The following QSER1 variants were observed in gnomAD, a reference collection of about 807,000 sequenced individuals.
QSER1 encodes the protein glutamine and serine rich 1.
QSER1 carries 49 observed loss-of-function variants against 158.5 expected under a neutral mutation model. That is an observed-to-expected ratio of 0.31 (90% CI 0.25 to 0.39). The LOEUF (loss-of-function observed/expected upper bound fraction) is 0.39. Among genes scored for constraint, QSER1 ranks in the 10% least tolerant of loss-of-function variants. The pLI, the probability that QSER1 is intolerant of heterozygous loss-of-function variation, is 1.00. For missense variants in QSER1, 1,754 were observed against 2,010.3 expected (o/e 0.87, Z 2.44); for synonymous variants, 650 against 715.5 (o/e 0.91, Z 1.46).
intron 1 of QSER1, among the ~76,000 whole-genome samples, chr11:32,902,813 T>G (rs756568116): frequency 3.9e-4 from 59 of 152,354 alleles, no homozygotes; most frequent in Non-Finnish European, 7.8e-4. Flanking sequence ...TTATCTCATT[T>G]AACTTCTCAT....
intron 4 of QSER1, among the ~76,000 whole-genome samples, chr11:32,941,226 TA>T: frequency 6.7e-6 from 1 of 150,002 alleles, no homozygotes; most frequent in Non-Finnish European, 1.5e-5. Flanking sequence ...TTATTATTAT[TA>T]TTATTATTAT....
intron 10 of QSER1, 64 bp from the exon 11 acceptor site, chr11:32,973,333 T>G (rs1326339364): frequency 1.3e-6 from 2 of 1,535,614 alleles, no homozygotes; most frequent in Non-Finnish European, 1.8e-6. Flanking sequence ...AAATTTTAGA[T>G]AGCTAGAAGT....
intron 4 of QSER1, among the ~76,000 whole-genome samples, chr11:32,936,292 T>C (rs146641669): frequency 0.019 from 2,831 of 151,834 alleles, 45 homozygotes; most frequent in South Asian, 0.038. Context: ...TGGTGTTTGG[T>C]TTTTTGTCCT....
At chr11:32,899,900 A>G (rs1851603598) in intron 1 of QSER1, among the ~76,000 whole-genome samples, 1 of 152,146 alleles carries the variant, frequency 6.6e-6, no homozygotes, top group South Asian at 2.1e-4. Context: ...TGAATATTGA[A>G]TAGGTATTTC....
chr11:32,944,445 T>C (rs1436202585), intron 4 of QSER1, among the ~76,000 whole-genome samples: 4 of 151,578 alleles, frequency 2.6e-5, no homozygotes, highest in African/African-American at 9.7e-5. Flanking sequence ...GTCTTTGTTC[T>C]CGTTGGTTTC....
At chr11:32,921,605 C>T (rs1018623593) in intron 1 of QSER1, among the ~76,000 whole-genome samples, 9 of 152,116 alleles carry the variant, frequency 5.9e-5, no homozygotes, top group Non-Finnish European at 1.0e-4. Context: ...ATACACTAAA[C>T]ACTACAAAAG....
rs1852996040 is a variant in QSER1 at position 32,977,378 on chromosome 11, A to T, written c.*904A>T. On this transcript the variant is annotated 3_prime_UTR_variant, in exon 13 of 13. Transcript: ENST00000650167. ...ACAGATTTGCTTCAGTGTTATCCAG[A>T]ATATGCATTCAGTACTAGAATTAGT... The T allele has an allele frequency of 6.6e-6, 1 of 152,632 alleles. No individual in the cohort carries two copies. The highest frequency in any genetic ancestry group is 1.5e-5 in the Non-Finnish European group (1 of 68,038). 9.5% of individuals were successfully genotyped at this position (152,632 alleles called of 1,614,324 possible). A position where few individuals can be genotyped will look rare whatever the true frequency, so the allele number is the denominator to read the frequency against.
At chr11:32,902,701 G>T (rs1851640705) in intron 1 of QSER1, among the ~76,000 whole-genome samples, 1 of 152,192 alleles carries the variant, frequency 6.6e-6, no homozygotes, top group African/African-American at 2.4e-5. Flanking sequence ...GTCTTTGAGG[G>T]TGAAGAATGA....
intron 1 of QSER1, among the ~76,000 whole-genome samples, chr11:32,918,687 GA>G (rs1276740779): frequency 6.6e-6 from 1 of 151,984 alleles, no homozygotes; most frequent in African/African-American, 2.4e-5. Flanking sequence ...TGAGGGGAAG[GA>G]GGGGCAAGAG....
chr11:32,926,948 A>G (rs960686213), intron 1 of QSER1: 5 of 152,242 alleles, frequency 3.3e-5, no homozygotes, highest in African/African-American at 1.2e-4. Context: ...GAATTAAAGA[A>G]AATACTGTGT....
intron 12 of QSER1, among the ~76,000 whole-genome samples, chr11:32,975,795 G>T (rs889476153): frequency 2.0e-5 from 3 of 152,160 alleles, no homozygotes; most frequent in African/African-American, 7.2e-5. Flanking sequence ...AAATTTAATT[G>T]TAGCTTTTAA....
At chr11:32,904,601 C>CTTTT (rs61491135) in intron 1 of QSER1, among the ~76,000 whole-genome samples, 22 of 114,362 alleles carry the variant, frequency 1.9e-4, no homozygotes, top group African/African-American at 3.7e-4. Context: ...CATATCCACT[C>CTTTT]TTTTTTTTTT....
At chr11:32,935,916 A>ATG (rs1442395784) in intron 4 of QSER1, among the ~76,000 whole-genome samples, 3 of 152,248 alleles carry the variant, frequency 2.0e-5, no homozygotes, top group Non-Finnish European at 4.4e-5. Flanking sequence ...AAATGTGGTT[A>ATG]TGTGCAGCAT....
At chr11:32,926,480 G>T (rs559004116) in intron 1 of QSER1, among the ~76,000 whole-genome samples, 55 of 152,234 alleles carry the variant, frequency 3.6e-4, no homozygotes, top group African/African-American at 1.3e-3. Flanking sequence ...GAAAATAAAT[G>T]TTACAAAATC....
At chr11:32,905,663 A>C (rs1270177889) in intron 1 of QSER1, among the ~76,000 whole-genome samples, 2 of 152,134 alleles carry the variant, frequency 1.3e-5, no homozygotes, top group African/African-American at 4.8e-5. Context: ...TGATCCTCTA[A>C]CATGGTAATG....
chr11:32,911,656 G>A (rs567477760), intron 1 of QSER1, among the ~76,000 whole-genome samples: 1 of 152,272 alleles, frequency 6.6e-6, no homozygotes, highest in African/African-American at 2.4e-5. Flanking sequence ...ATTTAAAAGT[G>A]GCAGTTTCCC....
chr11:32,954,473 G>C (rs1852478349), intron 5 of QSER1, among the ~76,000 whole-genome samples: 1 of 152,062 alleles, frequency 6.6e-6, no homozygotes. Flanking sequence ...TTCATTATTA[G>C]TAGTTTGGAG....
Position 32,979,264 on chromosome 11 carries a change from G to A in QSER1, c.*2790G>A, listed in dbSNP as rs1364462294. The A allele has an allele frequency of 6.6e-6, 1 of 152,612 alleles. No homozygotes were observed. Among genetic ancestry groups the A allele is most frequent in the Non-Finnish European group, 1.5e-5 (1 of 68,032 alleles). The allele number at this position is 152,612 out of a possible 1,614,324, so 9.5% of individuals were successfully genotyped here. A position where few individuals can be genotyped will look rare whatever the true frequency, so the allele number is the denominator to read the frequency against. On this transcript the variant is annotated 3_prime_UTR_variant, in exon 13 of 13. Transcript: ENST00000650167. Reference sequence around the variant, plus strand: ...TAGAAATAACTTTAGGTTTTAGGTAGAGTTAAAGAGGTAAAGCACATGTTG... The same window carrying A: ...TAGAAATAACTTTAGGTTTTAGGTAAAGTTAAAGAGGTAAAGCACATGTTG...
rs1227707477 is a variant in QSER1, at chr11:32,943,018, G to C, written c.4177+7583G>C. Reference sequence around the variant, plus strand: ...CAATTGTAAATGGGAGTTCACTCATGATTTGGCTCTCTGTTTGTCTGTTGT... The same window carrying C: ...CAATTGTAAATGGGAGTTCACTCATCATTTGGCTCTCTGTTTGTCTGTTGT... On this transcript the variant is annotated intron_variant, in intron 4 of 12. Coordinates refer to ENST00000650167, the MANE Select transcript of QSER1 (RefSeq NM_001076786.3). Among the ~76,000 whole-genome samples the C allele has an allele frequency of 8.6e-5, 13 of 151,980 alleles. No homozygotes were observed. The East Asian group carries it at 2.5e-3, about 29-fold the overall frequency.
Sources: allele counts gnomAD v4.1 joint callset (sites outside exome capture counted in the v4.1 genomes callset), GRCh38; gene constraint gnomAD v4.1.1; transcripts MANE v1.5; gene names NCBI Gene and HGNC (gene_info 2026-07-23, HGNC 2026-07-21).